Variants in CDH26 observed in about 807,000 individuals in gnomAD.
The protein encoded by CDH26 is cadherin-like protein 26.
CDH26 carries 83 observed loss-of-function variants against 90.3 expected under a neutral mutation model. That is an observed-to-expected ratio of 0.92 (90% CI 0.77 to 1.10). The LOEUF is 1.10. Among genes scored for constraint, CDH26 ranks in the 50% least tolerant of loss-of-function variants. The pLI is 0.00. For synonymous variants in CDH26, 397 were observed against 396.3 expected, an observed-to-expected ratio of 1.00 and a Z score of -0.02; for missense variants, 1,013 against 1,037.6, an observed-to-expected ratio of 0.98 and a Z score of 0.33.
At chr20:59,996,282 C>T in intron 12 of CDH26, 8 of 1,237,546 alleles carry the variant, frequency 6.5e-6, no homozygotes, top group Non-Finnish European at 8.7e-6. Context: ...ATGGAATCCA[C>T]TGGTAAATAT....
downstream of CDH26, among the ~76,000 whole-genome samples, chr20:60,035,887 C>A (rs2062078819): frequency 6.6e-6 from 1 of 151,832 alleles, no homozygotes. Flanking sequence ...GAGGCCTCCC[C>A]AGCCCTACAG....
intron 4 of CDH26, among the ~76,000 whole-genome samples, chr20:59,973,865 A>G (rs1334328682): frequency 2.0e-5 from 3 of 152,170 alleles, no homozygotes. Context: ...ACCCATGCAT[A>G]TGTCTTTATG....
At chr20:59,974,385 G>A (rs943796738) in intron 4 of CDH26, among the ~76,000 whole-genome samples, 2 of 152,206 alleles carry the variant, frequency 1.3e-5, no homozygotes, top group Non-Finnish European at 2.9e-5. Flanking sequence ...TTTAAATGAT[G>A]TATTAAGGGT....
At chr20:59,967,849 C>A (rs917655889) in intron 1 of CDH26, among the ~76,000 whole-genome samples, 28 of 94,868 alleles carry the variant, frequency 3.0e-4, no homozygotes, top group African/African-American at 1.7e-3. Flanking sequence ...TTCTTTCTTT[C>A]TTTCTTTCTT....
intron 13 of CDH26, among the ~76,000 whole-genome samples, chr20:59,998,202 G>A (rs1470472342): frequency 6.6e-6 from 1 of 152,232 alleles, no homozygotes; most frequent in African/African-American, 2.4e-5. Context: ...GCTCAACCAT[G>A]AAGGGAAACA....
chr20:60,034,747 A>C (rs887504734), downstream of CDH26, among the ~76,000 whole-genome samples: 1 of 152,220 alleles, frequency 6.6e-6, no homozygotes, highest in African/African-American at 2.4e-5. Flanking sequence ...CGGAGACTGG[A>C]GCCAAGGCCC....
rs1349338112 is a variant in CDH26 at position 60,012,631 on chromosome 20, C to T, written c.2400C>T (p.Ala800=). 2 of 1,613,910 alleles carry T rather than the reference C, an allele frequency of 1.2e-6. No individual in the cohort carries two copies. Among genetic ancestry groups the T allele is most frequent in the African/African-American group, 2.7e-5 (2 of 74,852 alleles). The change falls in exon 18 of 18, where the codon GCC becomes GCT. Residue 800 remains alanine, a synonymous_variant. Transcript: ENST00000348616. Reference sequence around the variant, plus strand: ...GGGCCCCATCCCTCAGCTCTCTGGCCAGCTTGGAACAGGAGTTGCAACCTG... The same window carrying T: ...GGGCCCCATCCCTCAGCTCTCTGGCTAGCTTGGAACAGGAGTTGCAACCTG... The part of the protein sequence containing the change: ...CGGAPSLSSL[A]SLEQELQPDL...
intron 11 of CDH26, among the ~76,000 whole-genome samples, chr20:59,995,202 G>A (rs1029833638): frequency 6.6e-6 from 1 of 152,132 alleles, no homozygotes; most frequent in Non-Finnish European, 1.5e-5. Context: ...ATCTCTATTG[G>A]GGTATCATGT....
chr20:59,976,187 C>T (rs930327845), intron 4 of CDH26, among the ~76,000 whole-genome samples: 7 of 152,078 alleles, frequency 4.6e-5, no homozygotes, highest in Non-Finnish European at 5.9e-5. Flanking sequence ...CATGTAAGGC[C>T]GCAGATCTTG....
At chr20:60,024,338 G>A (rs1029055633) in intron 7 of CDH26, among the ~76,000 whole-genome samples, 12 of 152,164 alleles carry the variant, frequency 7.9e-5, no homozygotes, top group African/African-American at 2.9e-4. Flanking sequence ...TGGCCATGGC[G>A]GGTGATGCTA....
At chr20:59,998,233 G>T (rs2061626127) in intron 13 of CDH26, among the ~76,000 whole-genome samples, 1 of 152,208 alleles carries the variant, frequency 6.6e-6, no homozygotes, top group African/African-American at 2.4e-5. Context: ...CCAGTCCCAG[G>T]AGCTGTGCCT....
intron 7 of CDH26, among the ~76,000 whole-genome samples, chr20:60,021,899 T>C (rs6015622): frequency 0.16 from 4,483 of 27,764 alleles, 419 homozygotes; most frequent in Non-Finnish European, 0.23. Context: ...CACACACACA[T>C]ATATATATAT....
intron 16 of CDH26, among the ~76,000 whole-genome samples, chr20:60,004,541 C>A (rs141154499): frequency 1.3e-5 from 2 of 151,892 alleles, no homozygotes; most frequent in African/African-American, 2.4e-5. Flanking sequence ...CCGAGGCAGG[C>A]GTATCACGAG....
intron 4 of CDH26, among the ~76,000 whole-genome samples, chr20:59,978,620 C>A (rs978857510): frequency 2.6e-5 from 4 of 152,014 alleles, no homozygotes; most frequent in Admixed American, 1.3e-4. Flanking sequence ...GTGGTCCCCC[C>A]ACCTCGGCCT....
intron 13 of CDH26, among the ~76,000 whole-genome samples, chr20:59,997,727 T>C (rs2061617593): frequency 6.6e-6 from 1 of 152,254 alleles, no homozygotes; most frequent in African/African-American, 2.4e-5. Context: ...TCACCCCATC[T>C]TACACCTCCA....
exon 9 of CDH26, chr20:60,033,804 T>TGA (rs1569074712): frequency 1.8e-6 from 2 of 1,142,640 alleles, no homozygotes; most frequent in African/African-American, 1.6e-5. Context: ...TGTGTGTGTG[T>TGA]GATCATGAAG....
chr20:59,959,509 T>A (rs2061040164), intron 1 of CDH26, among the ~76,000 whole-genome samples: 1 of 151,706 alleles, frequency 6.6e-6, no homozygotes, highest in Non-Finnish European at 1.5e-5. Context: ...TCAAGCAACC[T>A]CCTGGCTCAG....
intron 3 of CDH26, among the ~76,000 whole-genome samples, chr20:59,971,287 C>T (rs1206414121): frequency 6.6e-6 from 1 of 152,140 alleles, no homozygotes; most frequent in Non-Finnish European, 1.5e-5. Flanking sequence ...TGAGTGGGTT[C>T]ATATTCCTAC....
rs1839729357 is a variant in CDH26 at position 59,973,735 on chromosome 20, T to C, written c.393+1612T>C. On this transcript the variant is annotated intron_variant, in intron 4 of 17. Coordinates refer to ENST00000348616, the MANE Select transcript of CDH26 (RefSeq NM_177980.4). ...CAAAGGACATAATCCCATTCTTTTT[T>C]ATGGCTGCATAGTATTCCATGGTGT... Among the ~76,000 whole-genome samples the C allele has an allele frequency of 2.0e-5, 3 of 152,248 alleles. No homozygotes were observed. The South Asian group carries it at 6.2e-4, about 32-fold the overall frequency.
Sources: gnomAD v4.1 joint callset for allele counts (sites outside exome capture counted in the v4.1 genomes callset) on GRCh38, gnomAD v4.1.1 for gene constraint, MANE v1.5 for transcripts, NCBI Gene and HGNC (gene_info 2026-07-23, HGNC 2026-07-21) for gene names.